PIP5K1B: variants seen among roughly 807,000 people sequenced by gnomAD.
The protein encoded by PIP5K1B is phosphatidylinositol-4-phosphate 5-kinase type 1 beta, also known as phosphatidylinositol 4-phosphate 5-kinase type-1 beta.
In PIP5K1B, 42 loss-of-function variants were observed where a neutral mutation model predicts 67.0. The ratio of observed to expected loss-of-function variants is 0.63; its 90% confidence interval spans 0.49 to 0.81. The LOEUF is 0.81. PIP5K1B is among the 30% of genes least tolerant of loss of function. PIP5K1B has a pLI of 0.00. For missense variants in PIP5K1B, 459 were observed against 646.3 expected (o/e 0.71, Z 3.14); for synonymous variants, 214 against 231.4 (o/e 0.92, Z 0.68).
intron 11 of PIP5K1B, among the ~76,000 whole-genome samples, chr9:68,920,909 G>A (rs1826363898): frequency 6.6e-6 from 1 of 151,974 alleles, no homozygotes; most frequent in Non-Finnish European, 1.5e-5. Context: ...ACTTGAAGTA[G>A]CAATTCCAAA....
At chr9:68,920,759 GTC>G (rs552980266) in intron 11 of PIP5K1B, among the ~76,000 whole-genome samples, 333 of 140,334 alleles carry the variant, frequency 2.4e-3, no homozygotes, top group Middle Eastern at 0.014. Context: ...CTCCCATTCC[GTC>G]TCTGTCTCTC....
At chr9:69,005,343 A>G (rs762477015) in intron 15 of PIP5K1B, among the ~76,000 whole-genome samples, 1 of 152,180 alleles carries the variant, frequency 6.6e-6, no homozygotes, top group Non-Finnish European at 1.5e-5. Context: ...AACTGTTTAC[A>G]GTATTCTGAG....
intron 2 of PIP5K1B, among the ~76,000 whole-genome samples, chr9:68,795,736 C>T (rs1295343815): frequency 6.6e-6 from 1 of 152,156 alleles, no homozygotes; most frequent in Non-Finnish European, 1.5e-5. Flanking sequence ...GTGAGCTTTC[C>T]TTTTAGTTTT....
chr9:68,975,524 T>C (rs1829595302), intron 14 of PIP5K1B, among the ~76,000 whole-genome samples: 1 of 152,256 alleles, frequency 6.6e-6, no homozygotes, highest in Non-Finnish European at 1.5e-5. Context: ...GGTGGTGTTA[T>C]GGAGGGAAAG....
At chr9:68,980,361 T>C (rs367921827) in intron 14 of PIP5K1B, among the ~76,000 whole-genome samples, 1 of 152,302 alleles carries the variant, frequency 6.6e-6, no homozygotes. Flanking sequence ...CAGGCTGTAT[T>C]TGTGGGTGTT....
chr9:68,964,240 C>G (rs1828903047), intron 14 of PIP5K1B: 1 of 152,120 alleles, frequency 6.6e-6, no homozygotes, highest in South Asian at 2.1e-4. Context: ...GTGGTTCCAC[C>G]CTCACCCATA....
In PIP5K1B at chr9:68,917,706, T is replaced by C; in HGVS notation, c.930T>C (p.Ser310=). ...TTCTCTACTCAACAGCCATGGAATC[T>C]ATCCAGGGTCCAGGGAAATCTGGAG... ...QKVLYSTAME[S]IQGPGKSGDG... is the part of the protein sequence containing the mutation. Residue 310 remains serine (S), a synonymous_variant, in exon 9 of 16, where the codon TCT becomes TCC. Transcript: ENST00000265382. The C allele has an allele frequency of 6.2e-7, 1 of 1,614,178 alleles. No individual in the cohort carries two copies. The highest frequency in any genetic ancestry group is 8.5e-7 in the Non-Finnish European group (1 of 1,179,990).
At position 68,780,204 on chromosome 9, in the gene PIP5K1B, C is replaced by T; in HGVS notation, c.-86+37547C>T. On this transcript the variant is annotated intron_variant, in intron 2 of 15. Transcript: ENST00000265382. Reference sequence around the variant, plus strand: ...GATGGAGCTAGACCTGGAGCTGCCTCCGGGTACGGGCGGGAGCCCGGCGGA... The same window carrying T: ...GATGGAGCTAGACCTGGAGCTGCCTTCGGGTACGGGCGGGAGCCCGGCGGA... 3 of 1,536,322 alleles carry T rather than the reference C, an allele frequency of 2.0e-6. No homozygotes were observed. In the South Asian group the frequency reaches 3.9e-5, roughly 20 times the overall value.
At chr9:68,922,340 G>A (rs1826445340) in intron 11 of PIP5K1B, among the ~76,000 whole-genome samples, 1 of 151,846 alleles carries the variant, frequency 6.6e-6, no homozygotes. Flanking sequence ...GTGGGTGCCT[G>A]TAATCGCAGC....
At chr9:68,757,534 C>T (rs754316894) in intron 2 of PIP5K1B, among the ~76,000 whole-genome samples, 3 of 152,008 alleles carry the variant, frequency 2.0e-5, no homozygotes, top group African/African-American at 7.2e-5. Flanking sequence ...CTGAAAGAGT[C>T]GGTAGTGGAG....
intron 2 of PIP5K1B, among the ~76,000 whole-genome samples, chr9:68,790,973 G>A (rs944386574): frequency 3.3e-5 from 5 of 152,088 alleles, no homozygotes; most frequent in African/African-American, 1.2e-4. Flanking sequence ...CAAATTTTAA[G>A]GCAACATGAC....
At chr9:68,731,006 A>G (rs760783157) in intron 1 of PIP5K1B, among the ~76,000 whole-genome samples, 1 of 152,234 alleles carries the variant, frequency 6.6e-6, no homozygotes, top group Non-Finnish European at 1.5e-5. Context: ...TGCTTCTTCA[A>G]TCATTAACCA....
chr9:68,728,370 A>T (rs1047290624), intron 1 of PIP5K1B, among the ~76,000 whole-genome samples: 1 of 152,024 alleles, frequency 6.6e-6, no homozygotes, highest in Non-Finnish European at 1.5e-5. Flanking sequence ...TGAGCTCTCT[A>T]TGTCTCTTTT....
intron 6 of PIP5K1B, among the ~76,000 whole-genome samples, chr9:68,879,423 A>G (rs528424423): frequency 2.4e-4 from 36 of 152,016 alleles, no homozygotes; most frequent in African/African-American, 8.4e-4. Context: ...CAAAAATTAG[A>G]TGGGCGTGGT....
chr9:68,995,276 A>G (rs932394756), intron 15 of PIP5K1B, among the ~76,000 whole-genome samples: 3 of 152,002 alleles, frequency 2.0e-5, no homozygotes, highest in African/African-American at 7.3e-5. Context: ...CAAAGTATCT[A>G]CCGTTGTTTC....
At chr9:68,804,512 T>C (rs1353825815) in intron 2 of PIP5K1B, among the ~76,000 whole-genome samples, 2 of 152,114 alleles carry the variant, frequency 1.3e-5, no homozygotes, top group Non-Finnish European at 2.9e-5. Flanking sequence ...AACTGGACAG[T>C]CTGTGCATTC....
intron 2 of PIP5K1B, among the ~76,000 whole-genome samples, chr9:68,785,261 T>C (rs536224156): frequency 2.0e-5 from 3 of 152,338 alleles, no homozygotes; most frequent in Admixed American, 1.3e-4. Context: ...CAGAGGCTTA[T>C]GGACTAGACC....
chr9:68,815,843 T>C (rs1161112274), intron 2 of PIP5K1B, among the ~76,000 whole-genome samples: 1 of 152,062 alleles, frequency 6.6e-6, no homozygotes, highest in Non-Finnish European at 1.5e-5. Flanking sequence ...TATTTTTATA[T>C]TTCTAGAAAT....
intron 6 of PIP5K1B, among the ~76,000 whole-genome samples, chr9:68,883,996 T>A (rs1203961143): frequency 1.3e-5 from 2 of 152,078 alleles, no homozygotes; most frequent in African/African-American, 4.8e-5. Context: ...TAAACAAGAA[T>A]CATCTCAAAA....
Sources: allele counts gnomAD v4.1 joint callset (sites outside exome capture counted in the v4.1 genomes callset), GRCh38; gene constraint gnomAD v4.1.1; transcripts MANE v1.5; gene names NCBI Gene and HGNC (gene_info 2026-07-23, HGNC 2026-07-21).